Variants in COL6A2 observed in about 807,000 individuals in gnomAD.
COL6A2 encodes collagen type VI alpha 2 chain.
In COL6A2, 90 loss-of-function variants were observed where a neutral mutation model predicts 124.9. The observed-to-expected ratio is 0.72, with a 90% CI of 0.61 to 0.86. The LOEUF is 0.86. COL6A2 is among the 40% of genes least tolerant of loss of function. COL6A2 has a pLI of 0.00. For missense variants in COL6A2, 1,607 were observed against 1,502.5 expected (o/e 1.07, Z -1.15); for synonymous variants, 793 against 618.2 (o/e 1.28, Z -4.19).
At chr21:46,122,802 CATAAAAAT>C (rs2078587396) in intron 20 of COL6A2, 65 bp from the exon 21 acceptor site, 1 of 1,458,290 alleles carries the variant, frequency 6.9e-7, no homozygotes, top group African/African-American at 1.4e-5. Flanking sequence ...GATTTTTCCA[CATAAAAAT>C]CTCACTGGTG....
chr21:46,119,762 C>G (rs2078530801), intron 14 of COL6A2, 26 bp from the exon 15 acceptor site: 7 of 1,553,140 alleles, frequency 4.5e-6, no homozygotes, highest in Non-Finnish European at 6.1e-6. Context: ...AGCCCCCTCC[C>G]TCACCCACAC....
chr21:46,102,651 T>C (rs1344851205), intron 1 of COL6A2, among the ~76,000 whole-genome samples: 1 of 152,164 alleles, frequency 6.6e-6, no homozygotes, highest in East Asian at 1.9e-4. Flanking sequence ...ACTGCAATGA[T>C]CATGTGTGAG....
chr21:46,123,197 C>T lies in COL6A2; in HGVS notation c.1671+260C>T, dbSNP rs1228371751. ...CCCACAAGGGTCCCCTCCCTAGTGA[C>T]CCCTCCACAACATCCCCCCAGAGTC... is the stretch of plus-strand genomic sequence containing the variant. On this transcript the variant is annotated intron_variant, in intron 21 of 27. Transcript: ENST00000300527. 3.5e-5 allele frequency among the ~76,000 whole-genome samples: 4 copies of T among 112,890 alleles called. No individual in the cohort carries two copies. The East Asian group carries it at 1.1e-3, about 31-fold the overall frequency. 74.1% of individuals were successfully genotyped at this position (112,890 alleles called of 152,430 possible).
Position 46,116,592 on chromosome 21 carries a change from G to A in COL6A2, c.928-59G>A, listed in dbSNP as rs953614460. ...CCAAGGGCTTTGCCCCCCAGAGGCA[G>A]CAGTGCCCATGATGCTTTGAGGCAC... On this transcript the variant is annotated intron_variant, in intron 8 of 27. Coordinates refer to ENST00000300527, the MANE Select transcript of COL6A2 (RefSeq NM_001849.4). This position sits in a 1 kb window ranked among gnomAD's most constrained non-coding sequence, Gnocchi z 4.6. The A allele has an allele frequency of 6.1e-5, 98 of 1,609,570 alleles. No individual in the cohort carries two copies. Among genetic ancestry groups the A allele is most frequent in the Non-Finnish European group, 7.4e-5 (87 of 1,177,388 alleles).
At chr21:46,131,492 C>G (rs547509418) in intron 27 of COL6A2, among the ~76,000 whole-genome samples, 13 of 152,324 alleles carry the variant, frequency 8.5e-5, no homozygotes, top group African/African-American at 2.4e-4. Context: ...CCAGCCAGCT[C>G]TAGGTGTTCT....
At chr21:46,114,222 C>T (rs578048844) in intron 5 of COL6A2, 149 bp downstream of exon 5, 50 of 699,962 alleles carry the variant, frequency 7.1e-5, no homozygotes, top group South Asian at 1.0e-4. Flanking sequence ...GTCAGGAGAT[C>T]GAGACCATCC....
Position 46,122,925 on chromosome 21 carries a change from G to A in COL6A2, c.1659G>A (p.Glu553=). 1.2e-6 allele frequency: 2 copies of A among 1,613,278 alleles called. No individual in the cohort carries two copies. The highest frequency in any genetic ancestry group is 1.7e-6 in the Non-Finnish European group (2 of 1,179,928). The change falls in exon 21 of 28, where the codon GAG becomes GAA. Residue 553 remains glutamate, a synonymous_variant. Coordinates refer to ENST00000300527, the MANE Select transcript of COL6A2 (RefSeq NM_001849.4). The part of the protein sequence containing the change: ...GLKGEPGRKG[E]KGEPADPGPP... ...AAGGAGAACCTGGGAGGAAAGGAGA[G>A]AAAGGAGAGCCTGTGAGTGTCACCG...
chr21:46,112,817 A>G lies in COL6A2; in HGVS notation c.728A>G (p.Tyr243Cys), dbSNP rs1159588931. Reference protein sequence around the residue: ...RIIKVMKHEAYGECYKVSCLE... With the variant: ...RIIKVMKHEACGECYKVSCLE... ...TCTTTTCTGCAGAAACACGAAGCCT[A>G]CGGAGAGGTGAGTGGCGCTTCCCTT... Residue 243 changes from tyrosine to cysteine, a missense_variant, in exon 4 of 28, where the codon TAC becomes TGC. Physicochemically the swap from Tyr to Cys is radical, Grantham distance 194. This residue lies in a region of COL6A2 where 342 missense variants were observed against 381.5 expected (regional missense o/e 0.90). Transcript: ENST00000300527. 6.2e-7 allele frequency: 1 copy of G among 1,613,560 alleles called. No individual in the cohort carries two copies. Among genetic ancestry groups the G allele is most frequent in the Non-Finnish European group, 8.5e-7 (1 of 1,180,032 alleles).
intron 14 of COL6A2, among the ~76,000 whole-genome samples, 197 bp downstream of exon 14, chr21:46,119,316 C>T (rs941583450): frequency 6.6e-6 from 1 of 152,186 alleles, no homozygotes; most frequent in Non-Finnish European, 1.5e-5. Flanking sequence ...GAGGTAAAGC[C>T]CAGGCAGGTC....
At chr21:46,130,920 G>C (rs183654023) in intron 27 of COL6A2, among the ~76,000 whole-genome samples, 19 of 152,210 alleles carry the variant, frequency 1.2e-4, no homozygotes, top group Admixed American at 1.2e-3. Context: ...TGTCTCAAGC[G>C]TTCTGTGAAG....
chr21:46,125,268 G>A lies in COL6A2; in HGVS notation c.1773G>A (p.Glu591=), dbSNP rs2078642700. Residue 591 remains glutamate (E), a splice_region_variant and synonymous_variant, in exon 24 of 28, where the codon GAG becomes GAA. Transcript: ENST00000300527. ...PGPPGDPGLT[E]CDVMTYVRET... ...CCTGCCTGCCGTGTGCATTGCAGGAGTGTGACGTCATGACCTACGTGAGGG... is the reference window on the plus strand; with the variant it reads ...CCTGCCTGCCGTGTGCATTGCAGGAATGTGACGTCATGACCTACGTGAGGG... 3 of 1,612,132 alleles carry A rather than the reference G, an allele frequency of 1.9e-6. No individual in the cohort carries two copies. The highest frequency in any genetic ancestry group is 2.2e-5 in the South Asian group (2 of 90,922).
chr21:46,111,674 G>A (rs2078401035), intron 2 of COL6A2, 83 bp downstream of exon 2: 1 of 309,562 alleles, frequency 3.2e-6, no homozygotes, highest in Admixed American at 5.5e-5. Flanking sequence ...TCGGGGGCCG[G>A]GGGCTCTGGG....
rs750735590 is a variant in COL6A2, at chr21:46,125,345, T to C, written c.1816+34T>C. 18 of 1,605,754 alleles carry C rather than the reference T, an allele frequency of 1.1e-5. No individual in the cohort carries two copies. In the Admixed American group the frequency reaches 2.2e-4, roughly 19 times the overall value. ...CTGCCCACGGCAGGGTCGGGGCCCATGCACCGGGTGGAGGGCGGGAGTGCA... is the reference window on the plus strand; with the variant it reads ...CTGCCCACGGCAGGGTCGGGGCCCACGCACCGGGTGGAGGGCGGGAGTGCA... On this transcript the variant is annotated intron_variant, in intron 24 of 27. Coordinates refer to ENST00000300527, the MANE Select transcript of COL6A2 (RefSeq NM_001849.4).
chr21:46,121,296 TCAGCCC>T (rs952029520), intron 17 of COL6A2, among the ~76,000 whole-genome samples, 173 bp downstream of exon 17: 5 of 152,146 alleles, frequency 3.3e-5, no homozygotes, highest in South Asian at 2.1e-4. Context: ...ATACCCACCC[TCAGCCC>T]CAGCCCCCCA....
rs775799847 is a variant in COL6A2, at chr21:46,112,206, C to T, written c.343C>T (p.Arg115Trp). 1.8e-5 allele frequency: 29 copies of T among 1,612,808 alleles called. No individual in the cohort carries two copies. Among genetic ancestry groups the T allele is most frequent in the East Asian group, 6.7e-5 (3 of 44,886 alleles). The change falls in exon 3 of 28, where the codon CGG (arginine) becomes TGG (tryptophan). Residue 115 changes from arginine to tryptophan, a missense_variant. Arg to Trp is a moderately radical substitution (Grantham distance 101). Transcript: ENST00000300527. ...GGTGTTCAGCCCACCGGGCAGCGACCGGGCCTCCTTCATCAAGAACCTGCA... is the reference window on the plus strand; with the variant it reads ...GGTGTTCAGCCCACCGGGCAGCGACTGGGCCTCCTTCATCAAGAACCTGCA... ...VEVFSPPGSD[R>W]ASFIKNLQGI...
At chr21:46,129,923 G>A (rs2078738894) in intron 27 of COL6A2, 2 of 860,918 alleles carry the variant, frequency 2.3e-6, no homozygotes, top group South Asian at 5.0e-5. Flanking sequence ...CGTCTGGGAT[G>A]GGGCTGAGGG....
Position 46,132,303 on chromosome 21 carries a change from GAGGCACGC to G in COL6A2, c.2814_2821del (p.His939AlafsTer51). 6.2e-7 allele frequency: 1 copy of G among 1,606,388 alleles called. No individual in the cohort carries two copies. The highest frequency in any genetic ancestry group is 1.1e-5 in the South Asian group (1 of 90,920). ...TGCGCAGCCCGCGTGGCGGGGCCCG[GAGGCACGC>G]AGAGCTGTCCTTCGTGTTCCTCACG... On this transcript the variant is annotated frameshift_variant, in exon 28 of 28. Transcript: ENST00000300527. LOFTEE classifies it high-confidence loss of function.
In COL6A2 at chr21:46,129,288, C is replaced by T. The variant is rs777172978; in HGVS notation, c.2462-2666C>T. ...CTTCCCCAGGACCATTCCCCTGATC[C>T]AACAGTTGCTAAACGCCACGGAGCT... On this transcript the variant is annotated intron_variant, in intron 27 of 27. Transcript: ENST00000300527. 60 of 1,612,956 alleles carry T rather than the reference C, an allele frequency of 3.7e-5. No homozygotes were observed. The Middle Eastern group carries it at 1.2e-3, about 31-fold the overall frequency.
chr21:46,117,405 G>A lies in COL6A2; in HGVS notation c.1005G>A (p.Lys335=). The part of the protein sequence containing the change: ...GKNGTDGQKG[K]LGRIGPPGCK... ...CCTGCCCCCTTCTCCTTCAGGGCAA[G>A]CTGGGGCGCATCGGACCTCCTGGCT... is the stretch of plus-strand genomic sequence containing the variant. The change falls in exon 11 of 28, where the codon AAG becomes AAA. Residue 335 remains lysine (K), a synonymous_variant. Coordinates refer to ENST00000300527, the MANE Select transcript of COL6A2 (RefSeq NM_001849.4). 2 of 1,612,836 alleles carry A rather than the reference G, an allele frequency of 1.2e-6. No individual in the cohort carries two copies. Among genetic ancestry groups the A allele is most frequent in the Non-Finnish European group, 8.5e-7 (1 of 1,179,900 alleles).
Sources: gnomAD v4.1 joint callset for allele counts (sites outside exome capture counted in the v4.1 genomes callset) on GRCh38, gnomAD v4.1.1 for gene constraint, gnomAD v4.1.1 regional missense constraint, Gnocchi (gnomAD v3.1) non-coding constraint, MANE v1.5 for transcripts, NCBI Gene and HGNC (gene_info 2026-07-23, HGNC 2026-07-21) for gene names.